COPS6: variants seen among roughly 807,000 people sequenced by gnomAD.
COPS6 encodes the protein COP9 signalosome subunit 6, also known as COP9 signalosome complex subunit 6.
A neutral mutation model predicts 41.0 loss-of-function variants in COPS6; 9 were observed. The ratio of observed to expected loss-of-function variants is 0.22; its 90% CI spans 0.13 to 0.38. The LOEUF (loss-of-function observed/expected upper bound fraction) is 0.38, where lower values mean the gene tolerates loss of function less well. Ranked by LOEUF, COPS6 falls within the 10% of genes least tolerant of loss-of-function variation. The probability of loss-of-function intolerance (pLI) is 1.00; values close to 1 mark genes in which losing one functional copy is unlikely to be tolerated. For synonymous variants in COPS6, 179 were observed against 162.9 expected (o/e 1.10, Z -0.75); for missense variants, 302 against 436.7 (o/e 0.69, Z 2.75).
intron 5 of COPS6, 45 bp downstream of exon 5, chr7:100,090,699 CT>C: frequency 6.3e-7 from 1 of 1,578,522 alleles, no homozygotes; most frequent in Non-Finnish European, 8.7e-7. Flanking sequence ...GTCGCTATAC[CT>C]TTTACTGTGT....
chr7:100,089,777 G>T, intron 3 of COPS6, 31 bp downstream of exon 3: 4 of 1,605,316 alleles, frequency 2.5e-6, no homozygotes, highest in Non-Finnish European at 3.4e-6. Flanking sequence ...GGGAAGAGGA[G>T]TGGGAGTTAA....
At chr7:100,089,514 C>T in intron 2 of COPS6, 99 bp downstream of exon 2, 1 of 1,601,556 alleles carries the variant, frequency 6.2e-7, no homozygotes, top group Non-Finnish European at 8.5e-7. Flanking sequence ...CCCCCTCCCC[C>T]AAATCATCGT....
At chr7:100,089,792 A>C in intron 3 of COPS6, 46 bp downstream of exon 3, 2 of 1,594,606 alleles carry the variant, frequency 1.3e-6, no homozygotes, top group Non-Finnish European at 1.7e-6. Flanking sequence ...AGTTAAAAAA[A>C]AAATGTACAG....
Position 100,091,309 on chromosome 7 carries a change from T to C in COPS6, c.721T>C (p.Tyr241His). The C allele has an allele frequency of 6.2e-7, 1 of 1,614,136 alleles. No homozygotes were observed. The highest frequency in any genetic ancestry group is 2.2e-5 in the East Asian group (1 of 44,878). Residue 241 changes from tyrosine (Y) to histidine (H), a missense_variant, in exon 8 of 10, where the codon TAC (tyrosine) becomes CAC (histidine). This residue lies in a region of COPS6 where 222 missense variants were observed against 309.0 expected (regional missense o/e 0.72). Transcript: ENST00000303904. This position sits in a 1 kb window ranked among gnomAD's most constrained non-coding sequence, Gnocchi z 4.1. ...CAGCCGCGTCAAGCTCATCTTGGAG[T>C]ACGTCAAGGCCTCTGAAGCGGGTAG... ...LHSRVKLILE[Y>H]VKASEAGEVP...
Position 100,091,480 on chromosome 7 carries a change from C to T in COPS6, c.803C>T (p.Pro268Leu). ...REAYALCHCLPVLSTDKFKTD... is the reference protein window; with the variant it reads ...REAYALCHCLLVLSTDKFKTD... Reference sequence around the variant, plus strand: ...GCCTATGCTCTGTGTCACTGTCTCCCGGTGCTCAGCACAGACAAGTTCAAG... The same window carrying T: ...GCCTATGCTCTGTGTCACTGTCTCCTGGTGCTCAGCACAGACAAGTTCAAG... Residue 268 changes from proline (P) to leucine (L), a missense_variant, in exon 9 of 10, where the codon CCG (proline) becomes CTG (leucine). By Grantham distance (98) the Pro-to-Leu change is moderately conservative (BLOSUM62 -3). Transcript: ENST00000303904. The surrounding 1 kb of genome is among the most constrained non-coding windows in gnomAD (Gnocchi z 4.1). 1.9e-6 allele frequency: 3 copies of T among 1,614,112 alleles called. No homozygotes were observed. The highest frequency in any genetic ancestry group is 2.2e-5 in the East Asian group (1 of 44,870).
rs1228878322 is a variant in COPS6, at chr7:100,089,001, C to T, written c.11C>T (p.Ala4Val). MAA[A>V]AAAAAATNGT... Reference sequence around the variant, plus strand: ...GCGGGCGCGGGGAAAATGGCGGCGGCGGCGGCGGCGGCTGCAGCTACGAAC... The same window carrying T: ...GCGGGCGCGGGGAAAATGGCGGCGGTGGCGGCGGCGGCTGCAGCTACGAAC... The change falls in exon 1 of 10, where the codon GCG (alanine) becomes GTG (valine). Residue 4 changes from alanine to valine, a missense_variant. By Grantham distance (64) the Ala-to-Val change is moderately conservative. Coordinates refer to ENST00000303904, the MANE Select transcript of COPS6 (RefSeq NM_006833.5). 5 of 1,310,248 alleles carry T rather than the reference C, an allele frequency of 3.8e-6. No homozygotes were observed. Among genetic ancestry groups the T allele is most frequent in the Middle Eastern group, 4.1e-4 (2 of 4,936 alleles). The allele number at this position is 1,310,248 out of a possible 1,614,324, so 81.2% of individuals were successfully genotyped here.
chr7:100,089,606 C>T lies in COPS6; in HGVS notation c.203-9C>T, dbSNP rs1795283810. ...ACCCTCACCTTTTCCATGTCATTCTCTTTCCCAGTGATTGGGGCTCTGATT... is the reference window on the plus strand; with the variant it reads ...ACCCTCACCTTTTCCATGTCATTCTTTTTCCCAGTGATTGGGGCTCTGATT... On this transcript the variant is annotated splice_polypyrimidine_tract_variant and intron_variant, in intron 2 of 9. Coordinates refer to ENST00000303904, the MANE Select transcript of COPS6 (RefSeq NM_006833.5). 6 of 1,611,656 alleles carry T rather than the reference C, an allele frequency of 3.7e-6. No individual in the cohort carries two copies. The highest frequency in any genetic ancestry group is 2.7e-5 in the African/African-American group (2 of 74,776).
chr7:100,089,884 G>A (rs1009695195), intron 3 of COPS6, 138 bp downstream of exon 3: 42 of 793,678 alleles, frequency 5.3e-5, no homozygotes, highest in Non-Finnish European at 7.4e-5. Flanking sequence ...TAGCTGGAGA[G>A]ATCTCAGAAA....
Position 100,091,764 on chromosome 7 carries a change from G to A in COPS6, c.959G>A (p.Arg320Lys). The change falls in exon 10 of 10, where the codon AGG becomes AAG. Residue 320 changes from arginine (R) to lysine (K), a missense_variant. Coordinates refer to ENST00000303904, the MANE Select transcript of COPS6 (RefSeq NM_006833.5). This position sits in a 1 kb window ranked among gnomAD's most constrained non-coding sequence, Gnocchi z 4.1. The part of the protein sequence containing the change: ...NVLYDRQGIG[R>K]RMRGLFF Reference sequence around the variant, plus strand: ...CTCTACGACCGACAAGGCATCGGCAGGAGAATGCGCGGGCTCTTTTTCTGA... The same window carrying A: ...CTCTACGACCGACAAGGCATCGGCAAGAGAATGCGCGGGCTCTTTTTCTGA... The A allele has an allele frequency of 6.2e-7, 1 of 1,614,250 alleles. No homozygotes were observed. The highest frequency in any genetic ancestry group is 8.5e-7 in the Non-Finnish European group (1 of 1,180,050).
rs778348350 is a variant in COPS6, at chr7:100,089,045, G to A, written c.55G>A (p.Gly19Arg). ...TACGAACGGGACCGGAGGAAGCAGC[G>A]GGATGGAGGTGGATGCAGCAGGTAA... is the stretch of plus-strand genomic sequence containing the variant. Reference protein sequence around the residue: ...AATNGTGGSSGMEVDAAVVPS... With the variant: ...AATNGTGGSSRMEVDAAVVPS... Residue 19 changes from glycine to arginine, a missense_variant, in exon 1 of 10, where the codon GGG becomes AGG. Gly to Arg is a moderately radical substitution (Grantham distance 125). This residue lies in a region of COPS6 where 76 missense variants were observed against 97.9 expected (regional missense o/e 0.78). Transcript: ENST00000303904. 5 of 1,366,858 alleles carry A rather than the reference G, an allele frequency of 3.7e-6. No individual in the cohort carries two copies. In the East Asian group the frequency reaches 9.0e-5, roughly 25 times the overall value. 84.7% of individuals were successfully genotyped at this position (1,366,858 alleles called of 1,614,324 possible). A position where few individuals can be genotyped will look rare whatever the true frequency, so the allele number is the denominator to read the frequency against.
rs753478190 is a variant in COPS6, at chr7:100,089,301, G to T, written c.88G>T (p.Val30Leu). ...MEVDAAVVPS[V>L]MACGVTGSVS... is the part of the protein sequence containing the mutation. ...CCCTCCACCCTTAGTAGTCCCCAGC[G>T]TGATGGCCTGCGGAGTGACTGGGAG... Residue 30 changes from valine (V) to leucine (L), a missense_variant, in exon 2 of 10, where the codon GTG (valine) becomes TTG (leucine). By Grantham distance (32) the Val-to-Leu change is conservative. Transcript: ENST00000303904. The T allele has an allele frequency of 6.2e-6, 10 of 1,614,030 alleles. No individual in the cohort carries two copies. The highest frequency in any genetic ancestry group is 3.4e-6 in the Non-Finnish European group (4 of 1,179,990).
At position 100,089,047 on chromosome 7, in the gene COPS6, G is replaced by T. The variant is rs975663347; in HGVS notation, c.57G>T (p.Gly19=). 47 of 1,384,636 alleles carry T rather than the reference G, an allele frequency of 3.4e-5. No homozygotes were observed. Among genetic ancestry groups the T allele is most frequent in the Middle Eastern group, 3.8e-4 (2 of 5,326 alleles). The allele number at this position is 1,384,636 out of a possible 1,614,324, so 85.8% of individuals were successfully genotyped here. A position where few individuals can be genotyped will look rare whatever the true frequency, so the allele number is the denominator to read the frequency against. Residue 19 remains glycine (G), a synonymous_variant, in exon 1 of 10, where the codon GGG becomes GGT. Coordinates refer to ENST00000303904, the MANE Select transcript of COPS6 (RefSeq NM_006833.5). ...CGAACGGGACCGGAGGAAGCAGCGG[G>T]ATGGAGGTGGATGCAGCAGGTAACG... ...AATNGTGGSS[G]MEVDAAVVPS...
intron 3 of COPS6, 51 bp downstream of exon 3, chr7:100,089,797 G>A (rs2116535546): frequency 6.4e-7 from 1 of 1,563,910 alleles, no homozygotes. Flanking sequence ...AAAAAAAAAT[G>A]TACAGGGTGG....
At chr7:100,090,972 TCA>T (rs771389199) in intron 6 of COPS6, 23 bp downstream of exon 6, 2 of 1,614,044 alleles carry the variant, frequency 1.2e-6, no homozygotes, top group Non-Finnish European at 1.7e-6. Flanking sequence ...CCTTCAACCC[TCA>T]GATCCTGCTC....
intron 1 of COPS6, 71 bp from the exon 2 acceptor site, chr7:100,089,219 C>G: frequency 6.5e-7 from 1 of 1,549,060 alleles, no homozygotes; most frequent in Non-Finnish European, 8.7e-7. Context: ...CTCCGCCGTC[C>G]CCCACTGCCA....
At chr7:100,090,971 C>G in intron 6 of COPS6, 22 bp downstream of exon 6, 1 of 1,614,060 alleles carries the variant, frequency 6.2e-7, no homozygotes, top group East Asian at 2.2e-5. Context: ...CCCTTCAACC[C>G]TCAGATCCTG....
chr7:100,091,505 G>A lies in COPS6; in HGVS notation c.828G>A (p.Lys276=). ...CGGTGCTCAGCACAGACAAGTTCAAGACAGATTTTTATGATGTGAGTGTAA... is the reference window on the plus strand; with the variant it reads ...CGGTGCTCAGCACAGACAAGTTCAAAACAGATTTTTATGATGTGAGTGTAA... ...CLPVLSTDKF[K]TDFYDQCNDV... is the part of the protein sequence containing the mutation. Residue 276 remains lysine, a synonymous_variant, in exon 9 of 10, where the codon AAG becomes AAA. Transcript: ENST00000303904. The surrounding 1 kb of genome is among the most constrained non-coding windows in gnomAD (Gnocchi z 4.1). 1 of 1,614,186 alleles carries A rather than the reference G, an allele frequency of 6.2e-7. No homozygotes were observed. The highest frequency in any genetic ancestry group is 8.5e-7 in the Non-Finnish European group (1 of 1,180,020).
rs1052012443 is a variant in COPS6, at chr7:100,091,579, C to T, written c.843+59C>T. On this transcript the variant is annotated intron_variant, in intron 9 of 9. Coordinates refer to ENST00000303904, the MANE Select transcript of COPS6 (RefSeq NM_006833.5). This position sits in a 1 kb window ranked among gnomAD's most constrained non-coding sequence, Gnocchi z 4.1. ...TATGCTGTCACTTTCACGTGCAGGA[C>T]TGGGGACTGTTGTTCCCCGGGCATG... is the stretch of plus-strand genomic sequence containing the variant. 6.2e-5 allele frequency: 100 copies of T among 1,613,856 alleles called. No homozygotes were observed. In the East Asian group the frequency reaches 2.1e-3, roughly 35 times the overall value.
intron 3 of COPS6, 144 bp downstream of exon 3, chr7:100,089,890 A>G (rs1169783927): frequency 2.7e-6 from 2 of 744,102 alleles, no homozygotes; most frequent in African/African-American, 1.8e-5. Flanking sequence ...GAGAGATCTC[A>G]GAAAAAGAAA....
Sources: gnomAD v4.1 joint callset for allele counts on GRCh38, gnomAD v4.1.1 for gene constraint, gnomAD v4.1.1 regional missense constraint, Gnocchi (gnomAD v3.1) non-coding constraint, MANE v1.5 for transcripts, NCBI Gene and HGNC (gene_info 2026-07-23, HGNC 2026-07-21) for gene names.